Variants in ALG6 observed in about 807,000 individuals in gnomAD.
ALG6 encodes the protein dolichyl pyrophosphate Man9GlcNAc2 alpha-1,3-glucosyltransferase.
In ALG6, 46 loss-of-function variants were observed where a neutral mutation model predicts 66.6. The observed-to-expected ratio is 0.69, with a 90% CI of 0.55 to 0.88. ALG6 has a LOEUF of 0.88. Among genes scored for constraint, ALG6 ranks in the 40% least tolerant of loss-of-function variants. ALG6 has a pLI of 0.00. For missense variants in ALG6, 505 were observed against 586.8 expected (o/e 0.86, Z 1.44); for synonymous variants, 185 against 203.7 (o/e 0.91, Z 0.78).
Position 63,435,221 on chromosome 1 carries a change from A to G in ALG6, c.1327-1602A>G, listed in dbSNP as rs546798767. Among the ~76,000 whole-genome samples, 8 of 152,298 alleles carry G rather than the reference A, an allele frequency of 5.3e-5. No individual in the cohort carries two copies. The South Asian group carries it at 6.2e-4, about 12-fold the overall frequency. ...AGCAGACAAATGGGGTAATAGTTGG[A>G]GCAAGAGAGGGTTTTTGTTCTGTTT... On this transcript the variant is annotated intron_variant, in intron 14 of 14. Coordinates refer to ENST00000263440, the MANE Select transcript of ALG6 (RefSeq NM_013339.4).
rs1294787439 is a variant in ALG6 at position 63,400,237 on chromosome 1, A to G, written c.168-2017A>G. Among the ~76,000 whole-genome samples, 4 of 18,094 alleles carry G rather than the reference A, an allele frequency of 2.2e-4. 1 individual carries two copies. Among genetic ancestry groups the G allele is most frequent in the Non-Finnish European group, 3.1e-4 (4 of 12,742 alleles). The allele number at this position is 18,094 out of a possible 152,430, so 11.9% of individuals were successfully genotyped here. ...TATATATATACGTATATATATATATATATATACGTATATATATGTATATAT... is the reference window on the plus strand; with the variant it reads ...TATATATATACGTATATATATATATGTATATACGTATATATATGTATATAT... On this transcript the variant is annotated intron_variant, in intron 3 of 14. Transcript: ENST00000263440.
intron 11 of ALG6, 57 bp from the exon 12 acceptor site, chr1:63,419,313 C>G (rs1433295596): frequency 3.9e-6 from 5 of 1,272,948 alleles, no homozygotes; most frequent in Non-Finnish European, 5.7e-6. Context: ...CTATAATTAA[C>G]TTGATATGCT....
chr1:63,378,600 T>A (rs1375351136), intron 2 of ALG6, among the ~76,000 whole-genome samples: 1 of 152,214 alleles, frequency 6.6e-6, no homozygotes, highest in Non-Finnish European at 1.5e-5. Context: ...TGCCAAGGGC[T>A]GGTGATGCTG....
At chr1:63,383,619 A>C (rs1045791469) in intron 2 of ALG6, among the ~76,000 whole-genome samples, 1 of 152,176 alleles carries the variant, frequency 6.6e-6, no homozygotes, top group African/African-American at 2.4e-5. Flanking sequence ...AATGTGTAAT[A>C]ATCACATTAG....
chr1:63,420,132 T>A (rs116410070), intron 12 of ALG6, among the ~76,000 whole-genome samples: 1,805 of 152,190 alleles, frequency 0.012, 37 homozygotes, highest in African/African-American at 0.039. Context: ...TGGCAGGCAG[T>A]ATTGCTTTTA....
rs528178083 is a variant in ALG6, at chr1:63,427,655, T to C, written c.1059-1078T>C. 2.3e-3 allele frequency among the ~76,000 whole-genome samples: 352 copies of C among 152,118 alleles called. 2 individuals carry two copies. Among genetic ancestry groups the C allele is most frequent in the African/African-American group, 8.0e-3 (331 of 41,492 alleles). On this transcript the variant is annotated intron_variant, in intron 12 of 14. Transcript: ENST00000263440. The stretch of plus-strand genomic sequence containing the variant: ...TCACACAGTAAATAAAGGGCAAACA[T>C]GGGGACCAGGACTCAGGGCTTCACA...
intron 3 of ALG6, among the ~76,000 whole-genome samples, chr1:63,400,556 A>T (rs1036042702): frequency 1.3e-5 from 2 of 151,224 alleles, no homozygotes; most frequent in Non-Finnish European, 2.9e-5. Flanking sequence ...TCCTAATCCA[A>T]CCAATGACTT....
chr1:63,402,448 A>G, intron 4 of ALG6, 105 bp downstream of exon 4: 1 of 536,290 alleles, frequency 1.9e-6, no homozygotes, highest in South Asian at 1.8e-5. Flanking sequence ...GATTGCTTGT[A>G]GCTGCTATTG....
intron 14 of ALG6, among the ~76,000 whole-genome samples, chr1:63,430,760 G>GT (rs1303816006): frequency 5.9e-5 from 9 of 152,002 alleles, no homozygotes; most frequent in Non-Finnish European, 1.0e-4. Flanking sequence ...AGTTGTAAGA[G>GT]TTTTTTTAAT....
At chr1:63,392,398 T>G (rs926870279) in intron 2 of ALG6, among the ~76,000 whole-genome samples, 1 of 152,156 alleles carries the variant, frequency 6.6e-6, no homozygotes, top group African/African-American at 2.4e-5. Context: ...CTTGAACTCC[T>G]GAACTCAGGT....
chr1:63,377,668 GA>G (rs1648177547), intron 2 of ALG6, among the ~76,000 whole-genome samples: 1 of 152,096 alleles, frequency 6.6e-6, no homozygotes, highest in Non-Finnish European at 1.5e-5. Context: ...TTTCTTCCAT[GA>G]TTTTTAATCC....
Position 63,412,123 on chromosome 1 carries a change from T to C in ALG6, c.816+62T>C. The C allele has an allele frequency of 1.9e-6, 3 of 1,608,898 alleles. No individual in the cohort carries two copies. The Admixed American group carries it at 5.0e-5, about 27-fold the overall frequency. ...TACCTTACCTGTGACCTTTAGGGGT[T>C]TCATGTAGAAGGTACAAGGAATAGG... On this transcript the variant is annotated intron_variant, in intron 9 of 14. Transcript: ENST00000263440.
Position 63,428,740 on chromosome 1 carries a change from T to G in ALG6, c.1066T>G (p.Cys356Gly). ...KSILLVSLPV[C>G]LVLSEIPFMS... ...TTTTCTTTACGATTTTAGACCAGTC[T>G]GCTTAGTTTTAAGTGAAATTCCTTT... Residue 356 changes from cysteine (C) to glycine (G), a missense_variant, in exon 13 of 15, where the codon TGC becomes GGC. Cys to Gly is a radical substitution (Grantham distance 159). Transcript: ENST00000263440. The G allele has an allele frequency of 6.2e-7, 1 of 1,604,486 alleles. No individual in the cohort carries two copies. Among genetic ancestry groups the G allele is most frequent in the Non-Finnish European group, 8.5e-7 (1 of 1,173,754 alleles).
chr1:63,427,676 T>C (rs561881817), intron 12 of ALG6, among the ~76,000 whole-genome samples: 183 of 152,140 alleles, frequency 1.2e-3, no homozygotes, highest in African/African-American at 4.3e-3. Flanking sequence ...ACTCAGGGCT[T>C]CACACTAGCA....
At chr1:63,415,793 T>C (rs1644543224) in intron 10 of ALG6, 80 bp from the exon 11 acceptor site, 1 of 817,960 alleles carries the variant, frequency 1.2e-6, no homozygotes, top group Non-Finnish European at 2.0e-6. Flanking sequence ...GATCCTTATA[T>C]TTAAAAAATA....
chr1:63,423,762 C>T (rs1420253127), intron 12 of ALG6, among the ~76,000 whole-genome samples: 1 of 152,070 alleles, frequency 6.6e-6, no homozygotes, highest in East Asian at 1.9e-4. Context: ...TGGGTTGTTA[C>T]CATGTTTTGG....
rs529753475 is a variant in ALG6, at chr1:63,433,471, T to A, written c.1327-3352T>A. On this transcript the variant is annotated intron_variant, in intron 14 of 14. Transcript: ENST00000263440. This position sits in a 1 kb window ranked among gnomAD's most constrained non-coding sequence, Gnocchi z 4.2. Reference sequence around the variant, plus strand: ...TTTAGGTAATGACCATGGAGGATAGTGGTGTGGGAGGTAGGAAGTTAAGAG... The same window carrying A: ...TTTAGGTAATGACCATGGAGGATAGAGGTGTGGGAGGTAGGAAGTTAAGAG... 3.3e-5 allele frequency among the ~76,000 whole-genome samples: 5 copies of A among 152,038 alleles called. No homozygotes were observed. The East Asian group carries it at 9.7e-4, about 29-fold the overall frequency.
chr1:63,424,723 A>G (rs1291779798), intron 12 of ALG6, among the ~76,000 whole-genome samples: 3 of 150,124 alleles, frequency 2.0e-5, no homozygotes, highest in Non-Finnish European at 4.4e-5. Context: ...TCCTTCTAAG[A>G]GTTTTATGGA....
chr1:63,434,246 A>AT (rs1257694807), intron 14 of ALG6, among the ~76,000 whole-genome samples: 1 of 152,086 alleles, frequency 6.6e-6, no homozygotes, highest in African/African-American at 2.4e-5. Context: ...AAATGGTCAG[A>AT]TTTTTTATAT....
Sources: allele counts gnomAD v4.1 joint callset (sites outside exome capture counted in the v4.1 genomes callset), GRCh38; gene constraint gnomAD v4.1.1; non-coding constraint Gnocchi (gnomAD v3.1); transcripts MANE v1.5; gene names NCBI Gene and HGNC (gene_info 2026-07-23, HGNC 2026-07-21).